The following GNA14 variants were observed in gnomAD, a reference collection of about 807,000 sequenced individuals.
GNA14 encodes the protein G protein subunit alpha 14.
Under a neutral mutation model 42.0 loss-of-function variants are expected in GNA14, and 50 were observed. That is an observed-to-expected ratio of 1.19 (90% CI 0.95 to 1.51). GNA14 has a LOEUF of 1.51. GNA14 is among the 40% of genes most tolerant of loss of function. The pLI is 0.00. For synonymous variants in GNA14, 173 were observed against 163.1 expected (o/e 1.06, Z -0.46); for missense variants, 473 against 446.2 (o/e 1.06, Z -0.54).
At chr9:77,591,688 T>TAG (rs750444527) in intron 1 of GNA14, among the ~76,000 whole-genome samples, 116 of 152,350 alleles carry the variant, frequency 7.6e-4, no homozygotes, top group Non-Finnish European at 1.5e-3. Flanking sequence ...ACATGTCTCT[T>TAG]AGATTAGTCC....
intron 1 of GNA14, among the ~76,000 whole-genome samples, chr9:77,608,249 G>A (rs575094624): frequency 6.6e-6 from 1 of 152,162 alleles, no homozygotes; most frequent in Non-Finnish European, 1.5e-5. Context: ...CTCCCTTTTA[G>A]AATGAGAATA....
At chr9:77,627,708 A>C (rs1455631595) in intron 1 of GNA14, among the ~76,000 whole-genome samples, 2 of 152,066 alleles carry the variant, frequency 1.3e-5, no homozygotes, top group East Asian at 1.9e-4. Context: ...CATGCTAAAA[A>C]CTCTCAATAA....
At chr9:77,528,320 A>G (rs1837473858) in intron 2 of GNA14, among the ~76,000 whole-genome samples, 1 of 152,132 alleles carries the variant, frequency 6.6e-6, no homozygotes, top group African/African-American at 2.4e-5. Flanking sequence ...GTAATTTGGT[A>G]TCAATTATTT....
chr9:77,636,234 G>C (rs1824181878), intron 1 of GNA14, among the ~76,000 whole-genome samples: 1 of 152,162 alleles, frequency 6.6e-6, no homozygotes, highest in African/African-American at 2.4e-5. Flanking sequence ...ATTTATGGCA[G>C]ATTCAAGAGA....
chr9:77,578,508 G>A (rs1051385861), intron 1 of GNA14, among the ~76,000 whole-genome samples: 1 of 152,108 alleles, frequency 6.6e-6, no homozygotes, highest in Non-Finnish European at 1.5e-5. Flanking sequence ...ATACAATATT[G>A]AAAAATATCA....
rs1835412104 is a variant in GNA14, at chr9:77,423,892, C to T, written c.*87G>A. On this transcript the variant is annotated 3_prime_UTR_variant, in exon 7 of 7. Transcript: ENST00000341700. ...TCCTTAGTTCCTGGCATGGGGCTGG[C>T]TCTGGTGATGTCAGAAGCACTTGCA... 2.2e-6 allele frequency: 2 copies of T among 889,606 alleles called. No individual in the cohort carries two copies. The highest frequency in any genetic ancestry group is 2.6e-5 in the East Asian group (1 of 37,998). 55.1% of individuals were successfully genotyped at this position (889,606 alleles called of 1,614,324 possible).
intron 2 of GNA14, among the ~76,000 whole-genome samples, chr9:77,443,563 A>G (rs1209535600): frequency 6.6e-6 from 1 of 152,182 alleles, no homozygotes; most frequent in Non-Finnish European, 1.5e-5. Flanking sequence ...TTCTACTACA[A>G]TCTTCGTCCT....
chr9:77,492,389 T>G (rs1264195759), intron 2 of GNA14, among the ~76,000 whole-genome samples: 1 of 151,562 alleles, frequency 6.6e-6, no homozygotes, highest in African/African-American at 2.4e-5. Context: ...TTGATTTGTT[T>G]GAAAGATAAA....
intron 1 of GNA14, among the ~76,000 whole-genome samples, chr9:77,539,126 TATG>T (rs1270318609): frequency 6.6e-6 from 1 of 152,210 alleles, no homozygotes; most frequent in Non-Finnish European, 1.5e-5. Flanking sequence ...CCCAGTTCAG[TATG>T]ATGTCAGCTG....
At chr9:77,623,232 A>AT in intron 1 of GNA14, among the ~76,000 whole-genome samples, 4 of 113,284 alleles carry the variant, frequency 3.5e-5, no homozygotes, top group African/African-American at 2.0e-4. Flanking sequence ...AAAAAAAAAA[A>AT]AAAAAAAAAA....
At chr9:77,565,023 G>C (rs185308712) in intron 1 of GNA14, among the ~76,000 whole-genome samples, 1 of 152,176 alleles carries the variant, frequency 6.6e-6, no homozygotes, top group Admixed American at 6.5e-5. Context: ...ATTTTAACAT[G>C]TTTCCTACTG....
rs564653929 is a variant in GNA14 at position 77,473,815 on chromosome 9, A to G, written c.310-39293T>C. ...CAGTGTGGTACTGGCATAAGGATAGACATTTAGGATAATGGAATTGAGAGT... is the reference window on the plus strand; with the variant it reads ...CAGTGTGGTACTGGCATAAGGATAGGCATTTAGGATAATGGAATTGAGAGT... On this transcript the variant is annotated intron_variant, in intron 2 of 6. Coordinates refer to ENST00000341700, the MANE Select transcript of GNA14 (RefSeq NM_004297.4). 5.5e-4 allele frequency among the ~76,000 whole-genome samples: 83 copies of G among 152,280 alleles called. 1 individual carries two copies. The South Asian group carries it at 0.017, about 31-fold the overall frequency.
rs547913094 is a variant in GNA14 at position 77,595,449 on chromosome 9, G to A, written c.124+52221C>T. Among the ~76,000 whole-genome samples, 3 of 152,064 alleles carry A rather than the reference G, an allele frequency of 2.0e-5. No individual in the cohort carries two copies. In the East Asian group the frequency reaches 5.8e-4, roughly 29 times the overall value. On this transcript the variant is annotated intron_variant, in intron 1 of 6. Coordinates refer to ENST00000341700, the MANE Select transcript of GNA14 (RefSeq NM_004297.4). ...TTTATTGAGGGCTGCTGTGCTGAGT[G>A]CAACATACACACACCTCATCCTGTA... is the stretch of plus-strand genomic sequence containing the variant.
intron 1 of GNA14, among the ~76,000 whole-genome samples, chr9:77,579,738 A>C (rs567308593): frequency 6.6e-6 from 1 of 152,226 alleles, no homozygotes; most frequent in East Asian, 1.9e-4. Flanking sequence ...CTGCTGACTC[A>C]TTTATTTAAG....
chr9:77,597,833 G>A (rs1460776338), intron 1 of GNA14, among the ~76,000 whole-genome samples: 1 of 151,992 alleles, frequency 6.6e-6, no homozygotes, highest in Admixed American at 6.6e-5. Flanking sequence ...GGGAGGCTGA[G>A]GCGAGATCAC....
At chr9:77,528,663 C>T (rs896323405) in intron 2 of GNA14, among the ~76,000 whole-genome samples, 5 of 152,160 alleles carry the variant, frequency 3.3e-5, no homozygotes, top group Non-Finnish European at 7.4e-5. Flanking sequence ...GAGTAGTCTG[C>T]AGCAATTAGT....
chr9:77,488,507 A>C (rs563917397), intron 2 of GNA14, among the ~76,000 whole-genome samples: 1 of 152,290 alleles, frequency 6.6e-6, no homozygotes, highest in Admixed American at 6.5e-5. Context: ...ACTCAGCCAA[A>C]GCTGATGTTA....
intron 5 of GNA14, among the ~76,000 whole-genome samples, chr9:77,428,063 C>T (rs1306261989): frequency 6.7e-6 from 1 of 149,208 alleles, no homozygotes; most frequent in African/African-American, 2.5e-5. Context: ...CAAGAGATGG[C>T]ATTTTTTCTT....
chr9:77,622,731 C>CA (rs71503227), intron 1 of GNA14, among the ~76,000 whole-genome samples: 3,905 of 122,746 alleles, frequency 0.032, 225 homozygotes, highest in African/African-American at 0.097. Flanking sequence ...ACTAAAAATA[C>CA]AAAAAAAAGA....
Sources: gnomAD v4.1 joint callset for allele counts (sites outside exome capture counted in the v4.1 genomes callset) on GRCh38, gnomAD v4.1.1 for gene constraint, MANE v1.5 for transcripts, NCBI Gene and HGNC (gene_info 2026-07-23, HGNC 2026-07-21) for gene names.